The following BAZ1A variants were observed in gnomAD, a reference collection of about 807,000 sequenced individuals.
The protein encoded by BAZ1A is bromodomain adjacent to zinc finger domain 1A.
BAZ1A carries 50 observed loss-of-function variants against 185.2 expected under a neutral mutation model. The ratio of observed to expected loss-of-function variants is 0.27; its 90% CI spans 0.22 to 0.34. BAZ1A has a LOEUF of 0.34. BAZ1A is among the 10% of genes least tolerant of loss of function. BAZ1A has a pLI of 1.00. For synonymous variants in BAZ1A, 571 were observed against 615.6 expected, an observed-to-expected ratio of 0.93 and a Z score of 1.07; for missense variants, 1,356 against 1,839.9, an observed-to-expected ratio of 0.74 and a Z score of 4.81.
intron 3 of BAZ1A, among the ~76,000 whole-genome samples, chr14:34,832,865 A>G (rs1315476002): frequency 1.3e-5 from 2 of 152,318 alleles, no homozygotes; most frequent in African/African-American, 4.8e-5. Context: ...TCATACACCA[A>G]TGCTCATAGC....
In BAZ1A at chr14:34,773,818, T is replaced by C. The variant is rs1879401401; in HGVS notation, c.2998-92A>G. On this transcript the variant is annotated intron_variant, in intron 19 of 26. Coordinates refer to ENST00000360310, the MANE Select transcript of BAZ1A (RefSeq NM_013448.3). ...TCAATATGCATATAAAATCAATTCA[T>C]GGATATTTTAGAAATGATTATGAAT... The C allele has an allele frequency of 7.1e-6, 9 of 1,266,482 alleles. No homozygotes were observed. In the South Asian group the frequency reaches 8.0e-5, roughly 11 times the overall value. The allele number at this position is 1,266,482 out of a possible 1,614,324, so 78.5% of individuals were successfully genotyped here. A position where few individuals can be genotyped will look rare whatever the true frequency, so the allele number is the denominator to read the frequency against.
intron 21 of BAZ1A, among the ~76,000 whole-genome samples, chr14:34,769,120 A>G (rs1371574301): frequency 3.3e-5 from 5 of 152,156 alleles, no homozygotes; most frequent in Non-Finnish European, 7.4e-5. Context: ...TTATCAGGTG[A>G]ATGGAGAATT....
intron 21 of BAZ1A, among the ~76,000 whole-genome samples, chr14:34,766,717 T>C (rs574225481): frequency 1.1e-4 from 16 of 152,338 alleles, no homozygotes; most frequent in African/African-American, 3.1e-4. Flanking sequence ...AGTCTAGGAT[T>C]GCTAGTGACC....
chr14:34,771,613 C>T lies in BAZ1A; in HGVS notation c.3199G>A (p.Ala1067Thr). Residue 1067 changes from alanine to threonine, a missense_variant, in exon 21 of 27, where the codon GCA (alanine) becomes ACA (threonine). This residue lies in a region of BAZ1A where 434 missense variants were observed against 561.7 expected (regional missense o/e 0.77). Coordinates refer to ENST00000360310, the MANE Select transcript of BAZ1A (RefSeq NM_013448.3). ...TETPSTVSTN[A>T]STPQSVSSVV... ...CTGCTCACTGATTGTGGTGTACTTG[C>T]ATTTGTTGATACAGTACTTGGAGTT... is the stretch of plus-strand genomic sequence containing the variant. The T allele has an allele frequency of 2.5e-6, 4 of 1,614,088 alleles. No individual in the cohort carries two copies. Among genetic ancestry groups the T allele is most frequent in the Non-Finnish European group, 3.4e-6 (4 of 1,180,006 alleles).
At chr14:34,775,595 C>A (rs1182566888) in intron 18 of BAZ1A, among the ~76,000 whole-genome samples, 1 of 152,192 alleles carries the variant, frequency 6.6e-6, no homozygotes, top group African/African-American at 2.4e-5. Flanking sequence ...CATAATCTGT[C>A]CAAAACTGAT....
intron 16 of BAZ1A, among the ~76,000 whole-genome samples, chr14:34,780,571 G>C (rs940062952): frequency 1.2e-4 from 18 of 152,168 alleles, no homozygotes; most frequent in African/African-American, 3.9e-4. Context: ...GATCAAAAAG[G>C]CTGGCTTGAA....
intron 3 of BAZ1A, among the ~76,000 whole-genome samples, chr14:34,829,446 ATAAAT>A (rs1036219804): frequency 6.6e-6 from 1 of 152,124 alleles, no homozygotes; most frequent in African/African-American, 2.4e-5. Context: ...TGGCCAAAAA[ATAAAT>A]TAATAGCAAC....
chr14:34,785,210 T>A (rs952489599), intron 14 of BAZ1A, among the ~76,000 whole-genome samples: 1 of 152,168 alleles, frequency 6.6e-6, no homozygotes, highest in African/African-American at 2.4e-5. Context: ...TACTAAATTA[T>A]AATCACATGA....
intron 2 of BAZ1A, among the ~76,000 whole-genome samples, chr14:34,862,561 C>T (rs559131916): frequency 6.6e-6 from 1 of 151,870 alleles, no homozygotes; most frequent in East Asian, 1.9e-4. Context: ...CAGTCAAAAC[C>T]AGACTTTGAG....
chr14:34,800,926 T>C (rs1227650937), intron 8 of BAZ1A, among the ~76,000 whole-genome samples, 168 bp downstream of exon 8: 1 of 152,150 alleles, frequency 6.6e-6, no homozygotes, highest in East Asian at 1.9e-4. Context: ...GTCTTATTTA[T>C]AAAACAAGCA....
rs150625783 is a variant in BAZ1A at position 34,825,769 on chromosome 14, C to T, written c.536+244G>A. On this transcript the variant is annotated intron_variant, in intron 4 of 26. Transcript: ENST00000360310. ...CCTGGCCAATATGGTGAAACCCTGT[C>T]TCTACCAAAGATACAAAAATTAGCT... 7.3e-3 allele frequency among the ~76,000 whole-genome samples: 1,109 copies of T among 152,180 alleles called. 7 individuals are homozygous for T. Among genetic ancestry groups the T allele is most frequent in the Non-Finnish European group, 0.012 (838 of 68,010 alleles).
At chr14:34,773,840 G>T in intron 19 of BAZ1A, 114 bp from the exon 20 acceptor site, 1 of 1,101,222 alleles carries the variant, frequency 9.1e-7, no homozygotes, top group Non-Finnish European at 1.3e-6. Flanking sequence ...AAATGATTAT[G>T]AATCAAAAAG....
At chr14:34,847,630 C>G (rs1365065092) in intron 3 of BAZ1A, among the ~76,000 whole-genome samples, 1 of 152,138 alleles carries the variant, frequency 6.6e-6, no homozygotes, top group Non-Finnish European at 1.5e-5. Flanking sequence ...ATATTTAAAT[C>G]AAAATAACTG....
At chr14:34,808,520 C>G (rs2041885027) in intron 5 of BAZ1A, among the ~76,000 whole-genome samples, 2 of 151,594 alleles carry the variant, frequency 1.3e-5, no homozygotes, top group African/African-American at 4.8e-5. Flanking sequence ...CAAAACAAAA[C>G]AAAAAAAATT....
chr14:34,784,113 A>G (rs1880241805), intron 14 of BAZ1A, among the ~76,000 whole-genome samples, 186 bp from the exon 15 acceptor site: 1 of 152,034 alleles, frequency 6.6e-6, no homozygotes, highest in Non-Finnish European at 1.5e-5. Flanking sequence ...TCACACCTGT[A>G]ATCCCAGCAC....
intron 26 of BAZ1A, 87 bp downstream of exon 26, chr14:34,754,740 A>G: frequency 1.1e-6 from 1 of 881,876 alleles, no homozygotes; most frequent in South Asian, 1.8e-5. Flanking sequence ...AACAGCCTCT[A>G]CCTCTTTAAA....
chr14:34,781,605 C>T (rs1299004470), intron 16 of BAZ1A, among the ~76,000 whole-genome samples: 1 of 151,778 alleles, frequency 6.6e-6, no homozygotes, highest in Non-Finnish European at 1.5e-5. Flanking sequence ...CAACCTCCAC[C>T]TCCAGGGCTC....
rs1566543375 is a variant in BAZ1A, at chr14:34,759,183, T to TTTTTTTTTTTTTTTG, written c.4244-338_4244-337insCAAAAAAAAAAAAAA. ...CTTTACAGCTACAGTTTTTTTTTTT[T>TTTTTTTTTTTTTTTG]TTTTTTTTTTTTTTTGAGATGGAGT... On this transcript the variant is annotated intron_variant, in intron 24 of 26. Coordinates refer to ENST00000360310, the MANE Select transcript of BAZ1A (RefSeq NM_013448.3). 1.4e-4 allele frequency among the ~76,000 whole-genome samples: 17 copies of TTTTTTTTTTTTTTTG among 121,010 alleles called. 1 individual carries two copies. Among genetic ancestry groups the TTTTTTTTTTTTTTTG allele is most frequent in the South Asian group, 6.0e-4 (2 of 3,342 alleles). 79.4% of individuals were successfully genotyped at this position (121,010 alleles called of 152,430 possible).
intron 21 of BAZ1A, chr14:34,768,711 C>A (rs1309150087): frequency 7.1e-6 from 3 of 423,912 alleles, no homozygotes; most frequent in Non-Finnish European, 1.4e-5. Context: ...CTAGATAGAT[C>A]TTCCTCTCTC....
Sources: gnomAD v4.1 joint callset for allele counts (sites outside exome capture counted in the v4.1 genomes callset) on GRCh38, gnomAD v4.1.1 for gene constraint, gnomAD v4.1.1 regional missense constraint, MANE v1.5 for transcripts, NCBI Gene and HGNC (gene_info 2026-07-23, HGNC 2026-07-21) for gene names.